Variants in SULT1E1 observed in about 807,000 individuals in gnomAD.
SULT1E1 encodes sulfotransferase 1E1.
Under a neutral mutation model 33.6 loss-of-function variants are expected in SULT1E1, and 36 were observed. The observed-to-expected ratio is 1.07, with a 90% CI of 0.82 to 1.41. The LOEUF (loss-of-function observed/expected upper bound fraction) is 1.41, where lower values mean the gene tolerates loss of function less well. SULT1E1 is among the 40% of genes most tolerant of loss of function. The pLI is 0.00. For missense variants in SULT1E1, 371 were observed against 345.7 expected, an observed-to-expected ratio of 1.07 and a Z score of -0.58; for synonymous variants, 121 against 111.7, an observed-to-expected ratio of 1.08 and a Z score of -0.53.
At position 69,847,768 on chromosome 4, in the gene SULT1E1, T is replaced by A. The variant is rs756748070; in HGVS notation, c.521A>T (p.His174Leu). ...TCCCTTTTCCCACCAAGATTTTACA[T>A]GTTTATACCAGGAACCATAAGGAAC... ...GQVPYGSWYK[H>L]VKSWWEKGKS... Residue 174 changes from histidine (H) to leucine (L), a missense_variant, in exon 6 of 8, where the codon CAT becomes CTT. Coordinates refer to ENST00000226444, the MANE Select transcript of SULT1E1 (RefSeq NM_005420.3). 1.2e-6 allele frequency: 2 copies of A among 1,609,410 alleles called. No homozygotes were observed. The highest frequency in any genetic ancestry group is 4.5e-5 in the East Asian group (2 of 44,674).
At chr4:69,837,009 G>C (rs1314036666), downstream of SULT1E1, among the ~76,000 whole-genome samples, 2 of 152,092 alleles carry the variant, frequency 1.3e-5, no homozygotes, top group African/African-American at 4.8e-5. Flanking sequence ...AATAAGCCCA[G>C]GAGTTTGAGG....
At chr4:69,846,758 A>G (rs1720985394) in intron 6 of SULT1E1, among the ~76,000 whole-genome samples, 3 of 151,710 alleles carry the variant, frequency 2.0e-5, no homozygotes, top group Admixed American at 6.6e-5. Context: ...ACTGATTCAC[A>G]TTCTAATATT....
In SULT1E1 at chr4:69,841,950, A is replaced by G; in HGVS notation, c.*44T>C. On this transcript the variant is annotated 3_prime_UTR_variant, in exon 8 of 8. Coordinates refer to ENST00000226444, the MANE Select transcript of SULT1E1 (RefSeq NM_005420.3). ...ATAAGAAAAAGTGGAGAATAATGAAAAGAAATCTTTAATATCAGATATGTT... is the reference window on the plus strand; with the variant it reads ...ATAAGAAAAAGTGGAGAATAATGAAGAGAAATCTTTAATATCAGATATGTT... 9.4e-7 allele frequency: 1 copy of G among 1,064,790 alleles called. No homozygotes were observed. 66.0% of individuals were successfully genotyped at this position (1,064,790 alleles called of 1,614,324 possible).
At chr4:69,848,395 C>T (rs1012150502) in intron 5 of SULT1E1, among the ~76,000 whole-genome samples, 12 of 151,838 alleles carry the variant, frequency 7.9e-5, no homozygotes, top group Middle Eastern at 3.4e-3. Context: ...TTGCCTCACT[C>T]ATAGTAAAAA....
chr4:69,848,552 TA>T (rs1721029609), intron 5 of SULT1E1, among the ~76,000 whole-genome samples: 1 of 151,944 alleles, frequency 6.6e-6, no homozygotes, highest in African/African-American at 2.4e-5. Context: ...CAGTGAAATT[TA>T]TAGTGATCTT....
intron 7 of SULT1E1, 66 bp downstream of exon 7, chr4:69,844,095 T>G: frequency 6.7e-7 from 1 of 1,488,602 alleles, no homozygotes; most frequent in Non-Finnish European, 9.4e-7. Flanking sequence ...CCTCACTAGA[T>G]TTTTGCCTAT....
At chr4:69,835,872 G>T in the SULT1E1 span, among the ~76,000 whole-genome samples, 1 of 152,106 alleles carries the variant, frequency 6.6e-6, no homozygotes, top group Non-Finnish European at 1.5e-5. Context: ...TCAAACTCCT[G>T]GCCTCAAGCT....
chr4:69,832,832 A>AGATATAGT, the SULT1E1 span, among the ~76,000 whole-genome samples: 1 of 152,124 alleles, frequency 6.6e-6, no homozygotes, highest in African/African-American at 2.4e-5. Flanking sequence ...GCAAGGAGCA[A>AGATATAGT]GATATAGTTA....
the SULT1E1 span, among the ~76,000 whole-genome samples, chr4:69,828,753 C>T: frequency 6.6e-6 from 1 of 152,198 alleles, no homozygotes; most frequent in Non-Finnish European, 1.5e-5. Flanking sequence ...TTTCCCTTGG[C>T]TTATATAGAA....
chr4:69,852,315 T>C (rs1455391659), intron 4 of SULT1E1, among the ~76,000 whole-genome samples: 2 of 152,182 alleles, frequency 1.3e-5, no homozygotes, highest in African/African-American at 4.8e-5. Context: ...GTGTGTGATC[T>C]ACTTGATTCT....
intron 4 of SULT1E1, among the ~76,000 whole-genome samples, chr4:69,851,843 A>C (rs1306017858): frequency 6.6e-6 from 1 of 152,142 alleles, no homozygotes; most frequent in Admixed American, 6.5e-5. Flanking sequence ...ATGAAACTGG[A>C]AACCATCATT....
the SULT1E1 span, among the ~76,000 whole-genome samples, chr4:69,827,154 T>C: frequency 1.3e-5 from 2 of 152,202 alleles, no homozygotes; most frequent in African/African-American, 2.4e-5. Context: ...ATAGATGTCC[T>C]ACAGGGTCTA....
the SULT1E1 span, among the ~76,000 whole-genome samples, chr4:69,831,069 G>A: frequency 6.6e-6 from 1 of 152,144 alleles, no homozygotes; most frequent in Non-Finnish European, 1.5e-5. Context: ...CTCCTTCTCA[G>A]GTGAGGCTGG....
chr4:69,825,278 A>T, the SULT1E1 span, among the ~76,000 whole-genome samples: 2 of 152,128 alleles, frequency 1.3e-5, no homozygotes, highest in Admixed American at 6.5e-5. Context: ...GGCACATCTG[A>T]ACATCTGAAG....
At position 69,855,296 on chromosome 4, in the gene SULT1E1, G is replaced by T. The variant is rs769742682; in HGVS notation, c.271+5C>A. 6.2e-7 allele frequency: 1 copy of T among 1,610,086 alleles called. No individual in the cohort carries two copies. Among genetic ancestry groups the T allele is most frequent in the Non-Finnish European group, 8.5e-7 (1 of 1,178,084 alleles). On this transcript the variant is annotated splice_donor_5th_base_variant and intron_variant, in intron 3 of 7. Transcript: ENST00000226444. ...AATAGTTTTTAAAATCAACTTGAACGTTACCATTCATGAGGTTTTCTTTTC... is the reference window on the plus strand; with the variant it reads ...AATAGTTTTTAAAATCAACTTGAACTTTACCATTCATGAGGTTTTCTTTTC...
the SULT1E1 span, among the ~76,000 whole-genome samples, chr4:69,828,713 A>G: frequency 4.9e-4 from 74 of 152,222 alleles, no homozygotes; most frequent in Admixed American, 4.7e-3. Flanking sequence ...GTGCACAAAC[A>G]GCCTGCTTCC....
chr4:69,856,429 A>G (rs1721237170), intron 2 of SULT1E1, among the ~76,000 whole-genome samples: 1 of 152,180 alleles, frequency 6.6e-6, no homozygotes, highest in African/African-American at 2.4e-5. Flanking sequence ...GGATCAATAG[A>G]AAGGGAGACA....
chr4:69,830,702 G>A, the SULT1E1 span, among the ~76,000 whole-genome samples: 1 of 152,100 alleles, frequency 6.6e-6, no homozygotes. Flanking sequence ...CTAGCCACTG[G>A]AGGGCTGCCT....
rs146973250 is a variant in SULT1E1, at chr4:69,854,765, T to C, written c.272-451A>G. Among the ~76,000 whole-genome samples, 20 of 152,154 alleles carry C rather than the reference T, an allele frequency of 1.3e-4. No individual in the cohort carries two copies. The East Asian group carries it at 3.7e-3, about 28-fold the overall frequency. On this transcript the variant is annotated intron_variant, in intron 3 of 7. Transcript: ENST00000226444. ...CAAATTTACAGCCATCCCAATACCA[T>C]GCACACAGATGAACGTTTTGATAGC...
Sources: gnomAD v4.1 joint callset for allele counts (sites outside exome capture counted in the v4.1 genomes callset) on GRCh38, gnomAD v4.1.1 for gene constraint, MANE v1.5 for transcripts, NCBI Gene and HGNC (gene_info 2026-07-23, HGNC 2026-07-21) for gene names.